The following GPAM variants were observed in gnomAD, a reference collection of about 807,000 sequenced individuals.
GPAM encodes the protein glycerol-3-phosphate acyltransferase 1, mitochondrial.
In GPAM, 56 loss-of-function variants were observed where a neutral mutation model predicts 105.0. That is an observed-to-expected ratio of 0.53 (90% confidence interval 0.43 to 0.67). The LOEUF is 0.67. GPAM is among the 30% of genes least tolerant of loss of function. GPAM has a pLI of 0.00. For missense variants in GPAM, 855 were observed against 989.8 expected, an observed-to-expected ratio of 0.86 and a Z score of 1.83; for synonymous variants, 368 against 354.4, an observed-to-expected ratio of 1.04 and a Z score of -0.43.
intron 1 of GPAM, among the ~76,000 whole-genome samples, chr10:112,191,814 G>A (rs1847661975): frequency 6.6e-6 from 1 of 152,170 alleles, no homozygotes; most frequent in East Asian, 1.9e-4. Flanking sequence ...CATTGAGAAG[G>A]GACAGGACTC....
At chr10:112,169,308 C>A (rs1029839007) in intron 9 of GPAM, among the ~76,000 whole-genome samples, 1 of 152,096 alleles carries the variant, frequency 6.6e-6, no homozygotes. Flanking sequence ...AAGACACTGA[C>A]CCTTAGACAT....
intron 1 of GPAM, among the ~76,000 whole-genome samples, chr10:112,204,834 AG>A (rs1847841294): frequency 7.2e-6 from 1 of 139,026 alleles, no homozygotes; most frequent in Non-Finnish European, 1.5e-5. Context: ...AGGCAGGAGA[AG>A]GAAATAAAGG....
At chr10:112,209,498 G>A (rs867546520) in intron 1 of GPAM, among the ~76,000 whole-genome samples, 1 of 151,998 alleles carries the variant, frequency 6.6e-6, no homozygotes, top group Admixed American at 6.6e-5. Context: ...CCCCATCCCT[G>A]GGGGACCACT....
At chr10:112,215,387 T>C (rs373204646), upstream of GPAM, 4 of 152,178 alleles carry the variant, frequency 2.6e-5, no homozygotes, top group African/African-American at 9.7e-5. Context: ...CCCAATGCAG[T>C]TTTGAAACAC....
intron 1 of GPAM, among the ~76,000 whole-genome samples, chr10:112,200,371 T>C (rs1280402726): frequency 6.6e-6 from 1 of 151,814 alleles, no homozygotes; most frequent in African/African-American, 2.4e-5. Context: ...CACTGCAACC[T>C]TGACTTCCCC....
chr10:112,185,868 A>C (rs1847590616), upstream of GPAM, among the ~76,000 whole-genome samples: 1 of 152,162 alleles, frequency 6.6e-6, no homozygotes, highest in African/African-American at 2.4e-5. Context: ...CTGAAAGTAA[A>C]AGTAGAGTAT....
chr10:112,150,098 T>C lies in GPAM; in HGVS notation c.*3452A>G. 1.0e-6 allele frequency: 1 copy of C among 983,486 alleles called. No homozygotes were observed. Among genetic ancestry groups the C allele is most frequent in the Non-Finnish European group, 1.2e-6 (1 of 828,104 alleles). 60.9% of individuals were successfully genotyped at this position (983,486 alleles called of 1,614,324 possible). On this transcript the variant is annotated 3_prime_UTR_variant, in exon 22 of 22. Coordinates refer to ENST00000348367, the MANE Select transcript of GPAM (RefSeq NM_001244949.2). ...TTTCAGAGCTCTAGACGTTTAGAAA[T>C]AAGGTCAAGAATCTCTTTCAAATGC...
At chr10:112,157,429 T>G (rs770522303) in intron 18 of GPAM, 40 bp from the exon 19 acceptor site, 2 of 1,601,806 alleles carry the variant, frequency 1.2e-6, no homozygotes, top group Non-Finnish European at 1.7e-6. Context: ...AAATATGCAC[T>G]GGCACACAAA....
At chr10:112,184,541 A>C (rs114764519), upstream of GPAM, among the ~76,000 whole-genome samples, 1,659 of 152,356 alleles carry the variant, frequency 0.011, 39 homozygotes, top group African/African-American at 0.037. Context: ...TAGCCAGCTA[A>C]GATGGAGCAA....
Position 112,172,274 on chromosome 10 carries a change from A to G in GPAM, c.702T>C (p.Ile234=). Residue 234 remains isoleucine (I), a synonymous_variant, in exon 9 of 22, where the codon ATT becomes ATC. Transcript: ENST00000348367. ...GAATGAAAGTGAGCAGCAGATAGTC[A>G]ATATGGGATCTATGAACTGGTAGAA... ...LLFLPVHRSH[I]DYLLLTFILF... 3.1e-6 allele frequency: 5 copies of G among 1,611,476 alleles called. No individual in the cohort carries two copies. Among genetic ancestry groups the G allele is most frequent in the Non-Finnish European group, 4.2e-6 (5 of 1,177,624 alleles).
At chr10:112,194,286 C>T (rs573278776) in intron 1 of GPAM, among the ~76,000 whole-genome samples, 3 of 152,302 alleles carry the variant, frequency 2.0e-5, no homozygotes, top group African/African-American at 7.2e-5. Context: ...TAATGACAAT[C>T]GAACCACATT....
upstream of GPAM, among the ~76,000 whole-genome samples, chr10:112,185,567 CACAG>C (rs1564685657): frequency 1.1e-5 from 1 of 89,246 alleles, no homozygotes; most frequent in Non-Finnish European, 2.2e-5. Flanking sequence ...AACACACACA[CACAG>C]ACACACACAC....
rs777609182 is a variant in GPAM, at chr10:112,160,085, A to G, written c.1760-32T>C. 10 of 1,611,426 alleles carry G rather than the reference A, an allele frequency of 6.2e-6. No individual in the cohort carries two copies. In the East Asian group the frequency reaches 1.8e-4, roughly 29 times the overall value. ...AAAGAAAAGCAACAATGAAGTTGCC[A>G]GCTCAAAGTCTCCAAGAAAAACTTC... On this transcript the variant is annotated intron_variant, in intron 16 of 21. Transcript: ENST00000348367.
At chr10:112,223,872 A>C in the GPAM span, among the ~76,000 whole-genome samples, 1 of 152,212 alleles carries the variant, frequency 6.6e-6, no homozygotes, top group African/African-American at 2.4e-5. Flanking sequence ...CCAGGGCTGT[A>C]ATTTACTGAC....
In GPAM at chr10:112,168,385, G is replaced by A. The variant is rs148961428; in HGVS notation, c.1034C>T (p.Pro345Leu). The change falls in exon 11 of 22, where the codon CCA becomes CTA. Residue 345 changes from proline to leucine, a missense_variant. Physicochemically the swap from Pro to Leu is moderately conservative, Grantham distance 98. Transcript: ENST00000348367. ...VVDTLSTNVI[P>L]DILIIPVGIS... ...TCCAACAGGTATTATCAAGATGTCT[G>A]GGATGACATTGGTAGACAGAGTATC... 8.1e-6 allele frequency: 13 copies of A among 1,610,130 alleles called. No homozygotes were observed. Among genetic ancestry groups the A allele is most frequent in the Non-Finnish European group, 1.1e-5 (13 of 1,176,492 alleles).
upstream of GPAM, among the ~76,000 whole-genome samples, chr10:112,185,557 AACACACACACACAGACACAC>A (rs1460258177): frequency 7.2e-6 from 1 of 139,008 alleles, no homozygotes; most frequent in African/African-American, 2.7e-5. Context: ...TTAACACCCT[AACACACACACACAGACACAC>A]ACACACACAC....
chr10:112,174,345 T>G (rs1217821563), intron 6 of GPAM, among the ~76,000 whole-genome samples: 1 of 152,160 alleles, frequency 6.6e-6, no homozygotes, highest in Non-Finnish European at 1.5e-5. Context: ...ATTTACAAAT[T>G]TTTTCAACTC....
In GPAM at chr10:112,173,852, T is replaced by A. The variant is rs1330698203; in HGVS notation, c.414-7A>T. Reference sequence around the variant, plus strand: ...TGCAATTGCCTCTTGTACTCTGGTATGAAAATGGAAAAAGAGACAATGTAA... The same window carrying A: ...TGCAATTGCCTCTTGTACTCTGGTAAGAAAATGGAAAAAGAGACAATGTAA... On this transcript the variant is annotated splice_region_variant and splice_polypyrimidine_tract_variant and intron_variant, in intron 6 of 21. Transcript: ENST00000348367. 1.2e-6 allele frequency: 2 copies of A among 1,607,278 alleles called. No homozygotes were observed. Among genetic ancestry groups the A allele is most frequent in the East Asian group, 2.2e-5 (1 of 44,842 alleles).
chr10:112,207,173 G>C (rs906785919), intron 1 of GPAM, among the ~76,000 whole-genome samples: 1 of 152,176 alleles, frequency 6.6e-6, no homozygotes, highest in African/African-American at 2.4e-5. Context: ...GAAGGGAGAG[G>C]TACCACTGGC....
Sources: allele counts gnomAD v4.1 joint callset (sites outside exome capture counted in the v4.1 genomes callset), GRCh38; gene constraint gnomAD v4.1.1; transcripts MANE v1.5; gene names NCBI Gene and HGNC (gene_info 2026-07-23, HGNC 2026-07-21).